Variants in RAB28 observed in about 807,000 individuals in gnomAD.
RAB28 encodes the protein RAB28, member RAS oncogene family.
Under a neutral mutation model 31.7 loss-of-function variants are expected in RAB28, and 24 were observed. The ratio of observed to expected loss-of-function variants is 0.76; its 90% CI spans 0.55 to 1.06. The LOEUF (loss-of-function observed/expected upper bound fraction) is 1.06, where lower values mean the gene tolerates loss of function less well. RAB28 is among the 50% of genes least tolerant of loss of function. The pLI, the probability that RAB28 is intolerant of heterozygous loss-of-function variation, is 0.00. For missense variants in RAB28, 254 were observed against 258.5 expected, an observed-to-expected ratio of 0.98 and a Z score of 0.12; for synonymous variants, 100 against 90.4, an observed-to-expected ratio of 1.11 and a Z score of -0.60.
chr4:13,423,224 G>A (rs1188477649), intron 4 of RAB28, among the ~76,000 whole-genome samples: 1 of 152,104 alleles, frequency 6.6e-6, no homozygotes, highest in Non-Finnish European at 1.5e-5. Flanking sequence ...CATGAGCTAA[G>A]AACAGTTGTA....
Position 13,368,288 on chromosome 4 carries a change from AAAC to A in RAB28, c.*267_*269del. 1 of 1,093,814 alleles carries A rather than the reference AAAC, an allele frequency of 9.1e-7. No individual in the cohort carries two copies. Among genetic ancestry groups the A allele is most frequent in the Non-Finnish European group, 1.1e-6 (1 of 900,752 alleles). The allele number at this position is 1,093,814 out of a possible 1,614,324, so 67.8% of individuals were successfully genotyped here. A position where few individuals can be genotyped will look rare whatever the true frequency, so the allele number is the denominator to read the frequency against. On this transcript the variant is annotated 3_prime_UTR_variant, in exon 7 of 7. Transcript: ENST00000330852. ...AAAAAAGAAGCAAGGACATACAAAG[AAAC>A]AACATCATTCTTTTGCAATGAAGCA...
rs1023457037 is a variant in RAB28 at position 13,368,125 on chromosome 4, T to C, written c.*433A>G. The C allele has an allele frequency of 2.0e-6, 2 of 984,454 alleles. No individual in the cohort carries two copies. The highest frequency in any genetic ancestry group is 6.1e-5 in the Admixed American group (1 of 16,274). The allele number at this position is 984,454 out of a possible 1,614,324, so 61.0% of individuals were successfully genotyped here. A position where few individuals can be genotyped will look rare whatever the true frequency, so the allele number is the denominator to read the frequency against. On this transcript the variant is annotated 3_prime_UTR_variant, in exon 7 of 7. Transcript: ENST00000330852. Reference sequence around the variant, plus strand: ...GTATCTGTAGGTAAAATATATTACTTGCTTAATGTTTGCACTCTGAAGTAT... The same window carrying C: ...GTATCTGTAGGTAAAATATATTACTCGCTTAATGTTTGCACTCTGAAGTAT...
chr4:13,395,223 T>C (rs1379406185), intron 4 of RAB28, among the ~76,000 whole-genome samples: 1 of 152,206 alleles, frequency 6.6e-6, no homozygotes, highest in South Asian at 2.1e-4. Flanking sequence ...GGTTTTATAT[T>C]TGTAAAACAT....
intron 6 of RAB28, among the ~76,000 whole-genome samples, chr4:13,375,117 A>C (rs936438360): frequency 6.6e-6 from 1 of 152,096 alleles, no homozygotes; most frequent in Non-Finnish European, 1.5e-5. Flanking sequence ...TACCAAGGGC[A>C]TTGGTGTCAG....
intron 4 of RAB28, among the ~76,000 whole-genome samples, chr4:13,406,611 CCCA>C (rs1353982575): frequency 6.6e-5 from 10 of 152,302 alleles, no homozygotes; most frequent in African/African-American, 1.9e-4. Flanking sequence ...AGTTTACACT[CCCA>C]CCAACAGTGT....
At chr4:13,436,930 C>CATAAGCA (rs1370589959) in intron 4 of RAB28, among the ~76,000 whole-genome samples, 1 of 151,532 alleles carries the variant, frequency 6.6e-6, no homozygotes, top group East Asian at 1.9e-4. Context: ...AAAAGAACAA[C>CATAAGCA]AAAAGCATCA....
At chr4:13,433,386 A>G (rs1187954988) in intron 4 of RAB28, among the ~76,000 whole-genome samples, 1 of 152,154 alleles carries the variant, frequency 6.6e-6, no homozygotes, top group Non-Finnish European at 1.5e-5. Context: ...AAATGGCAAA[A>G]AAAATTTTGC....
chr4:13,391,581 C>T (rs147148689), intron 4 of RAB28, among the ~76,000 whole-genome samples: 2,895 of 152,116 alleles, frequency 0.019, 98 homozygotes, highest in African/African-American at 0.066. Flanking sequence ...TTATAAATCA[C>T]GCTACTATAA....
rs527991078 is a variant in RAB28 at position 13,371,823 on chromosome 4, C to T, written c.574-3173G>A. ...TATTTTTAGAGCCACAAAGCACACT[C>T]GATTATTCTCTATTAGTTGATGAAA... On this transcript the variant is annotated intron_variant, in intron 6 of 6. Coordinates refer to ENST00000330852, the MANE Select transcript of RAB28 (RefSeq NM_001017979.3). The T allele has an allele frequency of 2.0e-4, 312 of 1,547,302 alleles. 1 individual carries two copies. The East Asian group carries it at 6.4e-3, about 32-fold the overall frequency.
chr4:13,481,399 C>T (rs1172046481), intron 1 of RAB28, among the ~76,000 whole-genome samples: 1 of 152,040 alleles, frequency 6.6e-6, no homozygotes, highest in Non-Finnish European at 1.5e-5. Flanking sequence ...CTTATCTAGA[C>T]TGCATGCTAT....
At chr4:13,417,504 C>G (rs1712857709) in intron 4 of RAB28, among the ~76,000 whole-genome samples, 1 of 152,162 alleles carries the variant, frequency 6.6e-6, no homozygotes, top group East Asian at 1.9e-4. Flanking sequence ...CAACCGACAC[C>G]TCGTACAGGC....
At chr4:13,437,737 T>TAC (rs1714202821) in intron 4 of RAB28, among the ~76,000 whole-genome samples, 9 of 152,286 alleles carry the variant, frequency 5.9e-5, no homozygotes, top group Middle Eastern at 6.8e-3. Context: ...GAAATACTTA[T>TAC]ACACTGTTGT....
At chr4:13,423,520 A>C (rs570948137) in intron 4 of RAB28, among the ~76,000 whole-genome samples, 2 of 152,172 alleles carry the variant, frequency 1.3e-5, no homozygotes, top group East Asian at 1.9e-4. Context: ...AGTCAAAACA[A>C]TAATTCATGA....
At chr4:13,385,595 C>T (rs1359516296) in intron 4 of RAB28, among the ~76,000 whole-genome samples, 3 of 151,906 alleles carry the variant, frequency 2.0e-5, no homozygotes, top group Non-Finnish European at 4.4e-5. Context: ...CCAAACTAAG[C>T]AAAAAAGAAA....
intron 4 of RAB28, among the ~76,000 whole-genome samples, chr4:13,393,448 A>G (rs1002443662): frequency 3.9e-5 from 6 of 152,234 alleles, no homozygotes; most frequent in African/African-American, 9.6e-5. Flanking sequence ...AGTTACTCAC[A>G]TATTCCAGCT....
At position 13,401,011 on chromosome 4, in the gene RAB28, T is replaced by C. The variant is rs530898327; in HGVS notation, c.392-19417A>G. Among the ~76,000 whole-genome samples, 8 of 152,316 alleles carry C rather than the reference T, an allele frequency of 5.3e-5. No homozygotes were observed. In the South Asian group the frequency reaches 1.4e-3, roughly 28 times the overall value. ...TTTGTATTTATGTTCATGAGGAATATTGGTCTGTAGTTTTCTTACAGTGTC... is the reference window on the plus strand; with the variant it reads ...TTTGTATTTATGTTCATGAGGAATACTGGTCTGTAGTTTTCTTACAGTGTC... On this transcript the variant is annotated intron_variant, in intron 4 of 6. Transcript: ENST00000330852.
At chr4:13,438,757 A>G (rs559255393) in intron 4 of RAB28, among the ~76,000 whole-genome samples, 1 of 152,236 alleles carries the variant, frequency 6.6e-6, no homozygotes. Context: ...GTGGGCATAC[A>G]TTTTCATTTC....
At chr4:13,477,103 C>T (rs1309887016) in intron 2 of RAB28, among the ~76,000 whole-genome samples, 2 of 151,490 alleles carry the variant, frequency 1.3e-5, no homozygotes, top group Non-Finnish European at 1.5e-5. Flanking sequence ...CTGGACTGTA[C>T]CCACAAGCTT....
intron 3 of RAB28, among the ~76,000 whole-genome samples, chr4:13,465,802 A>ATAC (rs1252614890): frequency 2.0e-5 from 3 of 147,358 alleles, no homozygotes; most frequent in African/African-American, 7.9e-5. Flanking sequence ...TGCAGGCATC[A>ATAC]TACTACTTGA....
Sources: gnomAD v4.1 joint callset for allele counts (sites outside exome capture counted in the v4.1 genomes callset) on GRCh38, gnomAD v4.1.1 for gene constraint, MANE v1.5 for transcripts, NCBI Gene and HGNC (gene_info 2026-07-23, HGNC 2026-07-21) for gene names.